TRPM3: variants seen among roughly 807,000 people sequenced by gnomAD.
The protein encoded by TRPM3 is transient receptor potential cation channel subfamily M member 3.
TRPM3 carries 77 observed loss-of-function variants against 181.2 expected under a neutral mutation model. That is an observed-to-expected ratio of 0.42 (90% CI 0.35 to 0.51). The LOEUF (loss-of-function observed/expected upper bound fraction) is 0.51, where lower values mean the gene tolerates loss of function less well. Among genes scored for constraint, TRPM3 ranks in the 20% least tolerant of loss-of-function variants. The pLI is 0.01. For synonymous variants in TRPM3, 745 were observed against 796.4 expected (o/e 0.94, Z 1.09); for missense variants, 1,759 against 2,196.7 (o/e 0.80, Z 3.98).
intron 1 of TRPM3, among the ~76,000 whole-genome samples, chr9:70,936,004 C>T (rs528385243): frequency 6.6e-6 from 1 of 152,290 alleles, no homozygotes; most frequent in African/African-American, 2.4e-5. Context: ...ACTTTCCTCC[C>T]TTCAAACACT....
In TRPM3 at chr9:71,345,213, C is replaced by A. The variant is rs1279039626; in HGVS notation, c.183+101440G>T. Among the ~76,000 whole-genome samples the A allele has an allele frequency of 2.6e-5, 4 of 152,108 alleles. No homozygotes were observed. The East Asian group carries it at 7.7e-4, about 29-fold the overall frequency. ...CTCAAGGATCTACAATCAGAAATAC[C>A]ATTTGACCCATCAATCCCATTACTG... On this transcript the variant is annotated intron_variant, in intron 1 of 24. Coordinates refer to the TRPM3 transcript ENST00000357533.
At chr9:71,039,435 T>C (rs909218627) in intron 1 of TRPM3, among the ~76,000 whole-genome samples, 1 of 152,186 alleles carries the variant, frequency 6.6e-6, no homozygotes, top group Non-Finnish European at 1.5e-5. Flanking sequence ...AGATGCTTTT[T>C]AATAGGAGCA....
intron 1 of TRPM3, among the ~76,000 whole-genome samples, chr9:71,324,723 C>T (rs201572699): frequency 1.8e-4 from 27 of 152,066 alleles, no homozygotes; most frequent in East Asian, 5.8e-4. Context: ...ACCTAAGTGT[C>T]GACTGGCAGA....
At chr9:70,587,013 T>TA (rs202023597) in intron 22 of TRPM3, among the ~76,000 whole-genome samples, 1 of 151,924 alleles carries the variant, frequency 6.6e-6, no homozygotes, top group Non-Finnish European at 1.5e-5. Flanking sequence ...TTTTTTTTTT[T>TA]ATAGCAAACC....
intron 22 of TRPM3, among the ~76,000 whole-genome samples, chr9:70,573,519 GC>G (rs2053025132): frequency 2.0e-5 from 3 of 152,132 alleles, no homozygotes; most frequent in Admixed American, 1.3e-4. Context: ...CCTGTGCACT[GC>G]AGGTTACACA....
At chr9:71,098,386 A>G (rs1402775931) in intron 1 of TRPM3, among the ~76,000 whole-genome samples, 1 of 152,180 alleles carries the variant, frequency 6.6e-6, no homozygotes, top group Non-Finnish European at 1.5e-5. Context: ...AGGAGCAGAT[A>G]TGTGTGTGGA....
intron 1 of TRPM3, among the ~76,000 whole-genome samples, chr9:71,312,587 A>G (rs971772831): frequency 1.3e-5 from 2 of 152,182 alleles, no homozygotes; most frequent in African/African-American, 4.8e-5. Context: ...CATCCACAAG[A>G]AACACCCTGC....
intron 8 of TRPM3, among the ~76,000 whole-genome samples, chr9:70,694,881 A>G (rs1195742807): frequency 2.0e-5 from 3 of 152,220 alleles, no homozygotes; most frequent in Non-Finnish European, 4.4e-5. Flanking sequence ...TCTCTATTCT[A>G]CACCACAAAT....
At chr9:71,071,769 A>G (rs1401812001) in intron 1 of TRPM3, among the ~76,000 whole-genome samples, 3 of 152,190 alleles carry the variant, frequency 2.0e-5, no homozygotes, top group Non-Finnish European at 2.9e-5. Flanking sequence ...TGAGAGATTC[A>G]TTTAACACTC....
intron 9 of TRPM3, among the ~76,000 whole-genome samples, chr9:70,657,912 G>A (rs1283809509): frequency 2.0e-5 from 3 of 151,950 alleles, no homozygotes; most frequent in African/African-American, 7.3e-5. Context: ...TGATTGTAAG[G>A]GCCAATTTTG....
chr9:71,117,081 T>C (rs896102124), intron 1 of TRPM3, among the ~76,000 whole-genome samples: 2 of 152,178 alleles, frequency 1.3e-5, no homozygotes, highest in Admixed American at 6.5e-5. Context: ...CCTAGATTCC[T>C]CTCTCCACCA....
chr9:71,168,000 T>C (rs1424202155), intron 1 of TRPM3, among the ~76,000 whole-genome samples: 1 of 152,194 alleles, frequency 6.6e-6, no homozygotes, highest in Non-Finnish European at 1.5e-5. Context: ...CACTATGACA[T>C]ACCTCATTTA....
intron 1 of TRPM3, among the ~76,000 whole-genome samples, chr9:71,104,809 C>T (rs921963655): frequency 1.3e-4 from 19 of 151,844 alleles, no homozygotes; most frequent in Admixed American, 8.5e-4. Context: ...TACAGAATGG[C>T]TAAAACTAAA....
intron 1 of TRPM3, among the ~76,000 whole-genome samples, chr9:71,082,105 T>C (rs1052320761): frequency 2.0e-5 from 3 of 146,548 alleles, no homozygotes; most frequent in African/African-American, 4.9e-5. Flanking sequence ...TTTTAAAATA[T>C]CAATTTAGTT....
intron 1 of TRPM3, among the ~76,000 whole-genome samples, chr9:71,294,686 G>A (rs1256059095): frequency 2.0e-5 from 3 of 152,058 alleles, no homozygotes; most frequent in Non-Finnish European, 4.4e-5. Context: ...ATGAGAAAAT[G>A]TCCACAAAAA....
At chr9:71,259,739 TTG>T (rs1477302744) in intron 1 of TRPM3, among the ~76,000 whole-genome samples, 1 of 151,932 alleles carries the variant, frequency 6.6e-6, no homozygotes, top group Non-Finnish European at 1.5e-5. Context: ...TTTGATGGGG[TTG>T]TTTGTTTTTT....
intron 1 of TRPM3, among the ~76,000 whole-genome samples, chr9:71,047,473 C>A (rs2059573075): frequency 6.6e-6 from 1 of 152,110 alleles, no homozygotes; most frequent in South Asian, 2.1e-4. Flanking sequence ...TGGAATACAT[C>A]ATTAAGAATG....
chr9:70,590,995 C>T, intron 22 of TRPM3, 36 bp downstream of exon 22: 2 of 1,613,752 alleles, frequency 1.2e-6, no homozygotes, highest in Non-Finnish European at 1.7e-6. Flanking sequence ...ATTTAAATAC[C>T]TGACTTTGGT....
chr9:71,305,564 T>A (rs1423520532), intron 1 of TRPM3, among the ~76,000 whole-genome samples: 1 of 152,202 alleles, frequency 6.6e-6, no homozygotes, highest in Non-Finnish European at 1.5e-5. Context: ...GAGTTACAAG[T>A]GGCTCAAGTG....
Sources: allele counts gnomAD v4.1 joint callset (sites outside exome capture counted in the v4.1 genomes callset), GRCh38; gene constraint gnomAD v4.1.1; transcripts MANE v1.5; gene names NCBI Gene and HGNC (gene_info 2026-07-23, HGNC 2026-07-21).